PDE4D: variants seen among roughly 807,000 people sequenced by gnomAD.
PDE4D encodes phosphodiesterase 4D.
In PDE4D, 24 loss-of-function variants were observed where a neutral mutation model predicts 87.4. The observed-to-expected ratio is 0.27, with a 90% CI of 0.20 to 0.39. The LOEUF (loss-of-function observed/expected upper bound fraction) is 0.39, where lower values mean the gene tolerates loss of function less well. PDE4D is among the 10% of genes least tolerant of loss of function. PDE4D has a pLI of 1.00. For synonymous variants in PDE4D, 384 were observed against 383.2 expected (o/e 1.00, Z -0.02); for missense variants, 714 against 1,041.0 (o/e 0.69, Z 4.32).
At chr5:59,782,349 A>C (rs1488455069) in intron 1 of PDE4D, among the ~76,000 whole-genome samples, 1 of 152,256 alleles carries the variant, frequency 6.6e-6, no homozygotes, top group South Asian at 2.1e-4. Flanking sequence ...CCCACTTTTT[A>C]AACGGGAACT....
At chr5:59,312,043 C>A in intron 1 of PDE4D, among the ~76,000 whole-genome samples, 1 of 152,274 alleles carries the variant, frequency 6.6e-6, no homozygotes, top group African/African-American at 2.4e-5. Flanking sequence ...CCCTATTTAT[C>A]CCACTCCCAG....
intron 1 of PDE4D, among the ~76,000 whole-genome samples, chr5:59,715,313 ATAAGGCCATGGGGCC>A (rs925210183): frequency 5.3e-5 from 8 of 152,346 alleles, no homozygotes; most frequent in Admixed American, 2.6e-4. Flanking sequence ...CTAATGCAAG[ATAAGGCCATGGGGCC>A]TAAGGACATG....
intron 1 of PDE4D, among the ~76,000 whole-genome samples, chr5:59,742,477 G>A (rs571665743): frequency 4.2e-4 from 64 of 152,210 alleles, no homozygotes; most frequent in Non-Finnish European, 8.1e-4. Context: ...TATTTAGCAA[G>A]TGAGAAAACC....
intron 5 of PDE4D, among the ~76,000 whole-genome samples, chr5:59,174,680 T>C (rs1426505091): frequency 6.6e-6 from 1 of 152,204 alleles, no homozygotes; most frequent in Non-Finnish European, 1.5e-5. Flanking sequence ...GAGTTAGTAT[T>C]AATACTTCAT....
At chr5:60,103,598 C>A (rs999029177) in intron 2 of PDE4D, among the ~76,000 whole-genome samples, 3 of 152,106 alleles carry the variant, frequency 2.0e-5, no homozygotes, top group African/African-American at 7.2e-5. Context: ...TCCTCCAGAA[C>A]TTCATTTTGT....
chr5:59,713,100 G>A (rs139480783), intron 1 of PDE4D, among the ~76,000 whole-genome samples: 163 of 152,224 alleles, frequency 1.1e-3, no homozygotes, highest in African/African-American at 3.7e-3. Context: ...TGTTCAAACT[G>A]GATGCAAGAA....
intron 1 of PDE4D, among the ~76,000 whole-genome samples, chr5:59,731,255 C>T (rs6861059): frequency 0.055 from 8,435 of 152,014 alleles, 793 homozygotes; most frequent in African/African-American, 0.19. Context: ...ATCCTTGTTT[C>T]CCTGATACAG....
intron 5 of PDE4D, among the ~76,000 whole-genome samples, chr5:59,172,085 TATATAATA>T (rs1783002012): frequency 2.5e-3 from 5 of 2,040 alleles, no homozygotes; most frequent in Non-Finnish European, 1.2e-3. Context: ...ATATATTATA[TATATAATA>T]AATATATATT....
intron 5 of PDE4D, among the ~76,000 whole-genome samples, chr5:59,073,294 A>T (rs1344739738): frequency 6.6e-6 from 1 of 152,116 alleles, no homozygotes; most frequent in East Asian, 1.9e-4. Flanking sequence ...AAGCTGGGGA[A>T]TTCAGGAAGG....
chr5:59,051,255 TC>T, intron 5 of PDE4D, among the ~76,000 whole-genome samples: 1 of 152,166 alleles, frequency 6.6e-6, no homozygotes, highest in East Asian at 1.9e-4. Flanking sequence ...TGTCTGTAGT[TC>T]CAGCTTCTTG....
intron 1 of PDE4D, among the ~76,000 whole-genome samples, chr5:59,797,743 G>C (rs1475278092): frequency 6.6e-6 from 1 of 152,078 alleles, no homozygotes; most frequent in African/African-American, 2.4e-5. Flanking sequence ...AGCATCTGTT[G>C]TTTAAGCATA....
chr5:59,573,003 T>G (rs531244927), intron 1 of PDE4D, among the ~76,000 whole-genome samples: 1 of 152,188 alleles, frequency 6.6e-6, no homozygotes, highest in South Asian at 2.1e-4. Flanking sequence ...GTATCATAAG[T>G]GGTGTGCTTC....
At chr5:60,228,343 T>A (rs781662424) in intron 1 of PDE4D, among the ~76,000 whole-genome samples, 1 of 152,120 alleles carries the variant, frequency 6.6e-6, no homozygotes, top group Non-Finnish European at 1.5e-5. Flanking sequence ...GCAAAGGCTA[T>A]GCAAAGCCCT....
chr5:59,252,538 C>T (rs1245818717), intron 1 of PDE4D, among the ~76,000 whole-genome samples: 2 of 148,854 alleles, frequency 1.3e-5, no homozygotes, highest in East Asian at 2.0e-4. Context: ...TTTTTTTTTT[C>T]CCCGAGATGG....
chr5:60,103,115 G>T (rs563471933), intron 2 of PDE4D, among the ~76,000 whole-genome samples: 1 of 152,136 alleles, frequency 6.6e-6, no homozygotes, highest in Non-Finnish European at 1.5e-5. Context: ...CTGCAGGGAG[G>T]TACCATGACT....
At position 59,108,955 on chromosome 5, in the gene PDE4D, ATGTGTGTGTGTGTGTG is replaced by A. The variant is rs57004711; in HGVS notation, c.809-70000_809-69985del. On this transcript the variant is annotated intron_variant, in intron 5 of 14. Transcript: ENST00000340635. ...AAAAAAACAAATTCATAGGAACTCA[ATGTGTGTGTGTGTGTG>A]TGTGTGTGTGTGTGTGTGTGTGTGT... 6.7e-4 allele frequency among the ~76,000 whole-genome samples: 82 copies of A among 121,902 alleles called. 1 individual carries two copies. Among genetic ancestry groups the A allele is most frequent in the South Asian group, 1.2e-3 (4 of 3,288 alleles). 80.0% of individuals were successfully genotyped at this position (121,902 alleles called of 152,430 possible).
chr5:58,981,989 G>A (rs1171250762), intron 11 of PDE4D, among the ~76,000 whole-genome samples: 1 of 152,184 alleles, frequency 6.6e-6, no homozygotes, highest in Non-Finnish European at 1.5e-5. Flanking sequence ...GATTGAATCA[G>A]ATGCATAAGG....
intron 2 of PDE4D, among the ~76,000 whole-genome samples, chr5:60,062,306 A>G (rs1024896716): frequency 1.3e-5 from 2 of 152,176 alleles, no homozygotes; most frequent in African/African-American, 2.4e-5. Flanking sequence ...AAACATATGA[A>G]AAAAAAGCAC....
intron 1 of PDE4D, among the ~76,000 whole-genome samples, chr5:60,307,372 GCCAAAGACA>G (rs1754596301): frequency 6.6e-6 from 1 of 152,144 alleles, no homozygotes; most frequent in Non-Finnish European, 1.5e-5. Flanking sequence ...GAGGTTTGAT[GCCAAAGACA>G]CCAAAATATG....
Sources: gnomAD v4.1 joint callset for allele counts (sites outside exome capture counted in the v4.1 genomes callset) on GRCh38, gnomAD v4.1.1 for gene constraint, MANE v1.5 for transcripts, NCBI Gene and HGNC (gene_info 2026-07-23, HGNC 2026-07-21) for gene names.